The following ST6GALNAC3 variants were observed in gnomAD, a reference collection of about 807,000 sequenced individuals.
ST6GALNAC3 encodes the protein ST6 N-acetylgalactosaminide alpha-2,6-sialyltransferase 3.
ST6GALNAC3 carries 25 observed loss-of-function variants against 32.7 expected under a neutral mutation model. The ratio of observed to expected loss-of-function variants is 0.76; its 90% CI spans 0.56 to 1.07. The LOEUF (loss-of-function observed/expected upper bound fraction) is 1.07. Among genes scored for constraint, ST6GALNAC3 ranks in the 50% least tolerant of loss-of-function variants. The pLI, the probability that ST6GALNAC3 is intolerant of heterozygous loss-of-function variation, is 0.00. For synonymous variants in ST6GALNAC3, 129 were observed against 133.1 expected (o/e 0.97, Z 0.21); for missense variants, 355 against 382.4 (o/e 0.93, Z 0.60).
chr1:76,590,389 C>G (rs1647028983), intron 3 of ST6GALNAC3, among the ~76,000 whole-genome samples: 1 of 152,142 alleles, frequency 6.6e-6, no homozygotes, highest in Non-Finnish European at 1.5e-5. Flanking sequence ...TTGCAAATAT[C>G]AGATTACTTT....
intron 1 of ST6GALNAC3, among the ~76,000 whole-genome samples, chr1:76,155,733 T>G (rs1484677580): frequency 6.6e-6 from 1 of 152,060 alleles, no homozygotes; most frequent in Non-Finnish European, 1.5e-5. Flanking sequence ...TGCCTTGGCC[T>G]CCCAAAGTGC....
chr1:76,409,273 T>A (rs6665167), intron 2 of ST6GALNAC3, among the ~76,000 whole-genome samples: 1 of 151,758 alleles, frequency 6.6e-6, no homozygotes, highest in South Asian at 2.1e-4. Context: ...CCTTACTGTG[T>A]TAGGGGTGAT....
At chr1:76,449,940 A>G (rs1191443299) in intron 3 of ST6GALNAC3, among the ~76,000 whole-genome samples, 3 of 152,182 alleles carry the variant, frequency 2.0e-5, no homozygotes, top group African/African-American at 7.2e-5. Flanking sequence ...ACTGAACACA[A>G]TGTGTAGTCT....
At chr1:76,567,733 C>T (rs1665635995) in intron 3 of ST6GALNAC3, among the ~76,000 whole-genome samples, 1 of 152,108 alleles carries the variant, frequency 6.6e-6, no homozygotes, top group South Asian at 2.1e-4. Context: ...TCCCAAGAAC[C>T]TACAGTGCAT....
rs1161551719 is a variant in ST6GALNAC3, at chr1:76,412,004, T to G, written c.214-4T>G. The G allele has an allele frequency of 6.2e-7, 1 of 1,607,048 alleles. No individual in the cohort carries two copies. The highest frequency in any genetic ancestry group is 1.3e-5 in the African/African-American group (1 of 74,732). ...TTTACATGCCTTCTTTCTCTATTTT[T>G]CAGCCTTTGCAACTGGACTGTGACC... On this transcript the variant is annotated splice_region_variant and splice_polypyrimidine_tract_variant and intron_variant, in intron 2 of 4. Transcript: ENST00000328299.
intron 1 of ST6GALNAC3, among the ~76,000 whole-genome samples, chr1:76,133,285 T>C (rs1237196951): frequency 6.6e-6 from 1 of 152,214 alleles, no homozygotes; most frequent in Non-Finnish European, 1.5e-5. Flanking sequence ...ATTAGTCCTT[T>C]GGCATTGTTG....
intron 3 of ST6GALNAC3, among the ~76,000 whole-genome samples, chr1:76,551,369 A>G (rs1278952527): frequency 2.0e-5 from 3 of 152,208 alleles, no homozygotes; most frequent in Non-Finnish European, 2.9e-5. Context: ...CAGCTCTTTT[A>G]TGCCAATTAG....
chr1:76,498,517 TCTAAAC>T (rs1217646112), intron 3 of ST6GALNAC3, among the ~76,000 whole-genome samples: 1 of 152,178 alleles, frequency 6.6e-6, no homozygotes, highest in East Asian at 1.9e-4. Context: ...TTAGGAAACC[TCTAAAC>T]TTGCTTGAAG....
At chr1:76,213,614 A>G (rs1010494117) in intron 1 of ST6GALNAC3, among the ~76,000 whole-genome samples, 28 of 152,330 alleles carry the variant, frequency 1.8e-4, no homozygotes, top group African/African-American at 6.3e-4. Flanking sequence ...ATTTATTCCA[A>G]CTAAAATCAC....
At chr1:76,324,149 C>A (rs904259939) in intron 2 of ST6GALNAC3, among the ~76,000 whole-genome samples, 1 of 152,172 alleles carries the variant, frequency 6.6e-6, no homozygotes, top group Non-Finnish European at 1.5e-5. Context: ...AGCCACCATG[C>A]CCGGTTGAAG....
Position 76,183,377 on chromosome 1 carries a change from A to G in ST6GALNAC3, c.18+108493A>G, listed in dbSNP as rs78835493. On this transcript the variant is annotated intron_variant, in intron 1 of 4. Transcript: ENST00000328299. Reference sequence around the variant, plus strand: ...GTTGATTTGTATACTAAATTTCAGAAATGGCTTTTTATGGGGAAGGTTGGA... The same window carrying G: ...GTTGATTTGTATACTAAATTTCAGAGATGGCTTTTTATGGGGAAGGTTGGA... Among the ~76,000 whole-genome samples, 1,203 of 152,228 alleles carry G rather than the reference A, an allele frequency of 7.9e-3. 21 individuals are homozygous for G. Among genetic ancestry groups the G allele is most frequent in the African/African-American group, 0.028 (1,156 of 41,548 alleles).
chr1:76,602,001 G>A (rs906969572), intron 3 of ST6GALNAC3, among the ~76,000 whole-genome samples: 1 of 152,112 alleles, frequency 6.6e-6, no homozygotes, highest in Non-Finnish European at 1.5e-5. Context: ...AGGAAGGAGG[G>A]GAAGACTGGG....
intron 1 of ST6GALNAC3, among the ~76,000 whole-genome samples, chr1:76,098,339 A>G (rs906950213): frequency 2.0e-5 from 3 of 152,072 alleles, no homozygotes; most frequent in Non-Finnish European, 4.4e-5. Flanking sequence ...ATCTTTCACA[A>G]TTTTTCCTGA....
chr1:76,512,191 G>A (rs1330749036), intron 3 of ST6GALNAC3, among the ~76,000 whole-genome samples: 1 of 152,006 alleles, frequency 6.6e-6, no homozygotes, highest in African/African-American at 2.4e-5. Flanking sequence ...TTTTTATGGG[G>A]GAAAAATTTA....
chr1:76,187,578 A>G (rs1653634970), intron 1 of ST6GALNAC3, among the ~76,000 whole-genome samples: 1 of 152,202 alleles, frequency 6.6e-6, no homozygotes, highest in African/African-American at 2.4e-5. Context: ...CTTACTCCAA[A>G]GGAACTCTGG....
At chr1:76,626,281 G>A (rs1353178839) in intron 3 of ST6GALNAC3, among the ~76,000 whole-genome samples, 2 of 151,872 alleles carry the variant, frequency 1.3e-5, no homozygotes, top group Admixed American at 1.3e-4. Flanking sequence ...TGTAGGCCAA[G>A]AAGTCTATAT....
intron 3 of ST6GALNAC3, among the ~76,000 whole-genome samples, chr1:76,530,782 T>A (rs1367052686): frequency 1.2e-4 from 19 of 152,196 alleles, no homozygotes; most frequent in Admixed American, 1.2e-3. Context: ...ATTAAGTGAC[T>A]TGCTCATGGT....
Position 76,527,004 on chromosome 1 carries a change from T to C in ST6GALNAC3, c.624-100448T>C, listed in dbSNP as rs192566739. On this transcript the variant is annotated intron_variant, in intron 3 of 4. Coordinates refer to ENST00000328299, the MANE Select transcript of ST6GALNAC3 (RefSeq NM_152996.4). ...GGTAGAAAATGAGATACAAAGCAAA[T>C]ACATAGTTCATGTTTTTGAGGATTT... is the stretch of plus-strand genomic sequence containing the variant. Among the ~76,000 whole-genome samples the C allele has an allele frequency of 1.4e-3, 211 of 152,174 alleles. 1 individual carries two copies. The highest frequency in any genetic ancestry group is 2.4e-3 in the Admixed American group (37 of 15,262).
intron 1 of ST6GALNAC3, among the ~76,000 whole-genome samples, chr1:76,122,825 G>C (rs1212154164): frequency 1.3e-5 from 2 of 152,184 alleles, no homozygotes; most frequent in Admixed American, 6.5e-5. Flanking sequence ...GCCAGACTCT[G>C]TTGTGCATAT....
Sources: gnomAD v4.1 joint callset for allele counts (sites outside exome capture counted in the v4.1 genomes callset) on GRCh38, gnomAD v4.1.1 for gene constraint, MANE v1.5 for transcripts, NCBI Gene and HGNC (gene_info 2026-07-23, HGNC 2026-07-21) for gene names.